NEGR1: variants seen among roughly 807,000 people sequenced by gnomAD.
NEGR1 encodes IgLON family member 4.
A neutral mutation model predicts 40.9 loss-of-function variants in NEGR1; 10 were observed. The ratio of observed to expected loss-of-function variants is 0.24; its 90% CI spans 0.15 to 0.42. The LOEUF (loss-of-function observed/expected upper bound fraction) is 0.42. Among genes scored for constraint, NEGR1 ranks in the 10% least tolerant of loss-of-function variants. The pLI, the probability that NEGR1 is intolerant of heterozygous loss-of-function variation, is 1.00. For synonymous variants in NEGR1, 185 were observed against 166.8 expected, an observed-to-expected ratio of 1.11 and a Z score of -0.84; for missense variants, 352 against 438.9, an observed-to-expected ratio of 0.80 and a Z score of 1.77.
chr1:72,018,186 A>C (rs1469233655), intron 1 of NEGR1, among the ~76,000 whole-genome samples: 1 of 152,196 alleles, frequency 6.6e-6, no homozygotes, highest in Non-Finnish European at 1.5e-5. Flanking sequence ...AGAAAGACTA[A>C]GGAATTTTAA....
At chr1:72,237,348 C>T (rs545584041) in intron 1 of NEGR1, among the ~76,000 whole-genome samples, 6 of 151,940 alleles carry the variant, frequency 3.9e-5, no homozygotes, top group African/African-American at 1.2e-4. Flanking sequence ...AATACAAAAC[C>T]TCAAACACCA....
intron 2 of NEGR1, among the ~76,000 whole-genome samples, chr1:71,928,733 G>T (rs1010386944): frequency 6.6e-6 from 1 of 151,832 alleles, no homozygotes; most frequent in African/African-American, 2.4e-5. Context: ...AAAATGCAAT[G>T]CAATGTTCTT....
At chr1:71,868,471 AATACATACATACATACATAC>A (rs56859630) in intron 2 of NEGR1, among the ~76,000 whole-genome samples, 9 of 148,020 alleles carry the variant, frequency 6.1e-5, no homozygotes, top group East Asian at 4.1e-4. Context: ...AGATAGACAG[AATACATACATACATACATAC>A]ATACATACAT....
chr1:71,797,211 C>G (rs1316382123), intron 2 of NEGR1, among the ~76,000 whole-genome samples: 2 of 152,092 alleles, frequency 1.3e-5, no homozygotes, highest in Non-Finnish European at 2.9e-5. Context: ...CACAGTCATG[C>G]TATGAATTAG....
At chr1:71,566,924 T>C (rs1241505936) in intron 6 of NEGR1, among the ~76,000 whole-genome samples, 1 of 152,114 alleles carries the variant, frequency 6.6e-6, no homozygotes, top group Admixed American at 6.5e-5. Flanking sequence ...GCAAACAAGC[T>C]CCCTCAGGCC....
At chr1:72,170,660 T>C (rs1651928219) in intron 1 of NEGR1, among the ~76,000 whole-genome samples, 1 of 152,226 alleles carries the variant, frequency 6.6e-6, no homozygotes, top group Non-Finnish European at 1.5e-5. Context: ...TTTACAATTG[T>C]AGCTGAAACA....
intron 4 of NEGR1, among the ~76,000 whole-genome samples, chr1:71,620,168 A>G (rs944699132): frequency 4.6e-5 from 7 of 152,002 alleles, no homozygotes; most frequent in Admixed American, 2.6e-4. Flanking sequence ...CCCAGAGAAG[A>G]AGAGTAGTAA....
At chr1:71,943,011 TATATGTGTATATATATACACACATAC>T in intron 1 of NEGR1, among the ~76,000 whole-genome samples, 1 of 135,106 alleles carries the variant, frequency 7.4e-6, no homozygotes, top group Non-Finnish European at 1.6e-5. Flanking sequence ...TGTGTATATA[TATATGTGTATATATATACACACATAC>T]ATATATATGT....
At position 71,982,230 on chromosome 1, in the gene NEGR1, T is replaced by C. The variant is rs181862396; in HGVS notation, c.177-46919A>G. 2.6e-5 allele frequency among the ~76,000 whole-genome samples: 4 copies of C among 152,328 alleles called. No homozygotes were observed. The East Asian group carries it at 5.8e-4, about 22-fold the overall frequency. ...GGCCCAATGTAAATATGGGCTTATC[T>C]TGAACCTTAAACTTTTAAGTTCAGT... is the stretch of plus-strand genomic sequence containing the variant. On this transcript the variant is annotated intron_variant, in intron 1 of 6. Coordinates refer to ENST00000357731, the MANE Select transcript of NEGR1 (RefSeq NM_173808.3).
intron 6 of NEGR1, among the ~76,000 whole-genome samples, chr1:71,434,344 G>A (rs1474466580): frequency 1.3e-5 from 2 of 152,266 alleles, no homozygotes; most frequent in African/African-American, 4.8e-5. Context: ...ATAAATAAAT[G>A]TAAAGATGTG....
In NEGR1 at chr1:71,407,659, G is replaced by A. The variant is rs550193448; in HGVS notation, c.941-89C>T. 2.7e-5 allele frequency: 34 copies of A among 1,249,304 alleles called. No individual in the cohort carries two copies. The African/African-American group carries it at 3.7e-4, about 14-fold the overall frequency. 77.4% of individuals were successfully genotyped at this position (1,249,304 alleles called of 1,614,324 possible). A position where few individuals can be genotyped will look rare whatever the true frequency, so the allele number is the denominator to read the frequency against. ...ATCAAAAGGTAGCCAGGTGCATCGG[G>A]GAAAGCACTGACATTGGAGTCAGAC... is the stretch of plus-strand genomic sequence containing the variant. On this transcript the variant is annotated intron_variant, in intron 6 of 6. Transcript: ENST00000357731.
chr1:71,722,021 A>T (rs375760324), intron 3 of NEGR1, among the ~76,000 whole-genome samples: 31 of 152,246 alleles, frequency 2.0e-4, no homozygotes, highest in Admixed American at 3.3e-4. Flanking sequence ...GTAGATTTTA[A>T]CTAGGGTAAG....
chr1:71,467,667 G>A (rs541373776), intron 6 of NEGR1, among the ~76,000 whole-genome samples: 18 of 151,886 alleles, frequency 1.2e-4, no homozygotes, highest in Middle Eastern at 3.4e-3. Context: ...TTTCAACTGA[G>A]GATGAAACAT....
intron 1 of NEGR1, among the ~76,000 whole-genome samples, chr1:72,036,169 C>T (rs1646900255): frequency 6.6e-6 from 1 of 152,150 alleles, no homozygotes; most frequent in Non-Finnish European, 1.5e-5. Context: ...AATACTGAGG[C>T]AATGCCTTTG....
intron 1 of NEGR1, among the ~76,000 whole-genome samples, chr1:72,181,225 T>C (rs1235357112): frequency 6.6e-6 from 1 of 152,166 alleles, no homozygotes; most frequent in Non-Finnish European, 1.5e-5. Context: ...ATGGGGCAGC[T>C]GTTTTGCTCT....
At chr1:72,007,832 C>T (rs1040849732) in intron 1 of NEGR1, among the ~76,000 whole-genome samples, 8 of 152,158 alleles carry the variant, frequency 5.3e-5, no homozygotes, top group Admixed American at 5.2e-4. Context: ...TACATTAATA[C>T]AATACTTTGC....
intron 1 of NEGR1, among the ~76,000 whole-genome samples, chr1:72,161,657 A>AT (rs1651563995): frequency 9.2e-6 from 1 of 108,302 alleles, no homozygotes; most frequent in African/African-American, 3.6e-5. Context: ...TTAATTATTT[A>AT]TTTTTTCTTT....
intron 6 of NEGR1, among the ~76,000 whole-genome samples, chr1:71,568,888 C>G (rs1207331279): frequency 6.9e-6 from 1 of 144,464 alleles, no homozygotes; most frequent in Non-Finnish European, 1.5e-5. Flanking sequence ...ATTAAAGTGT[C>G]CTTGCCTCAG....
rs1646261292 is a variant in NEGR1 at position 71,403,979 on chromosome 1, G to A, written c.*3467C>T. 1 of 354,002 alleles carries A rather than the reference G, an allele frequency of 2.8e-6. No homozygotes were observed. The highest frequency in any genetic ancestry group is 2.1e-5 in the African/African-American group (1 of 47,666). 21.9% of individuals were successfully genotyped at this position (354,002 alleles called of 1,614,324 possible). A position where few individuals can be genotyped will look rare whatever the true frequency, so the allele number is the denominator to read the frequency against. On this transcript the variant is annotated 3_prime_UTR_variant, in exon 7 of 7. Coordinates refer to ENST00000357731, the MANE Select transcript of NEGR1 (RefSeq NM_173808.3). Reference sequence around the variant, plus strand: ...CTGACCTCTTTTTAAATCATTTCTGGATTTCAAAAAACAATTTTTATTGAA... The same window carrying A: ...CTGACCTCTTTTTAAATCATTTCTGAATTTCAAAAAACAATTTTTATTGAA...
Sources: gnomAD v4.1 joint callset for allele counts (sites outside exome capture counted in the v4.1 genomes callset) on GRCh38, gnomAD v4.1.1 for gene constraint, MANE v1.5 for transcripts, NCBI Gene and HGNC (gene_info 2026-07-23, HGNC 2026-07-21) for gene names.